ABCA13: variants seen among roughly 807,000 people sequenced by gnomAD.
ABCA13 encodes ATP-binding cassette sub-family A member 13.
Under a neutral mutation model 478.7 loss-of-function variants are expected in ABCA13, and 476 were observed. The observed-to-expected ratio is 0.99, with a 90% CI of 0.92 to 1.07. ABCA13 has a LOEUF of 1.07. Among genes scored for constraint, ABCA13 ranks in the 50% least tolerant of loss-of-function variants. The pLI, the probability that ABCA13 is intolerant of heterozygous loss-of-function variation, is 0.00. For synonymous variants in ABCA13, 2,252 were observed against 2,158.9 expected, an observed-to-expected ratio of 1.04 and a Z score of -1.20; for missense variants, 6,060 against 5,910.6, an observed-to-expected ratio of 1.03 and a Z score of -0.83.
At chr7:48,326,927 G>T (rs898714588) in intron 27 of ABCA13, among the ~76,000 whole-genome samples, 1 of 152,164 alleles carries the variant, frequency 6.6e-6, no homozygotes, top group Non-Finnish European at 1.5e-5. Context: ...CATCTATCTG[G>T]TATAGTGGAT....
intron 55 of ABCA13, among the ~76,000 whole-genome samples, chr7:48,572,858 G>A (rs1245571549): frequency 6.6e-6 from 1 of 151,858 alleles, no homozygotes; most frequent in Non-Finnish European, 1.5e-5. Flanking sequence ...AAAGCATTTG[G>A]GTCTAAATTT....
intron 48 of ABCA13, among the ~76,000 whole-genome samples, chr7:48,498,006 C>T (rs968308718): frequency 1.3e-5 from 2 of 152,180 alleles, no homozygotes; most frequent in African/African-American, 4.8e-5. Flanking sequence ...AGGCTCAGCT[C>T]TTTGTTGGTC....
At chr7:48,543,492 T>A (rs1784526431) in intron 55 of ABCA13, among the ~76,000 whole-genome samples, 2 of 151,332 alleles carry the variant, frequency 1.3e-5, no homozygotes, top group South Asian at 4.2e-4. Context: ...AGCATGGTGG[T>A]GGGCACCTGT....
rs137909934 is a variant in ABCA13, at chr7:48,433,327, A to G, written c.12565+5456A>G. ...GCAACTGAAAATAATTAAAAAACAA[A>G]GAAAAATAAAAATAAGTACAGTACT... On this transcript the variant is annotated intron_variant, in intron 42 of 61. Coordinates refer to ENST00000435803, the MANE Select transcript of ABCA13 (RefSeq NM_152701.5). Among the ~76,000 whole-genome samples the G allele has an allele frequency of 5.7e-4, 87 of 151,750 alleles. 2 individuals are homozygous for G. The East Asian group carries it at 0.016, about 28-fold the overall frequency.
chr7:48,335,068 C>G (rs1407976375), intron 27 of ABCA13, among the ~76,000 whole-genome samples: 3 of 152,124 alleles, frequency 2.0e-5, no homozygotes, highest in Admixed American at 2.0e-4. Context: ...TACCATTAAA[C>G]AAGTAAGTAT....
chr7:48,315,223 G>A (rs10248040), intron 26 of ABCA13, among the ~76,000 whole-genome samples: 74,416 of 151,968 alleles, frequency 0.49, 18,534 homozygotes, highest in East Asian at 0.78. Context: ...TAGTGTATTC[G>A]TTTTCTATGC....
At chr7:48,286,890 A>G (rs1435339968) in intron 19 of ABCA13, among the ~76,000 whole-genome samples, 1 of 152,238 alleles carries the variant, frequency 6.6e-6, no homozygotes, top group African/African-American at 2.4e-5. Context: ...AATTAAAAAA[A>G]GATTTTATTT....
In ABCA13 at chr7:48,415,772, G is replaced by A. The variant is rs144458037; in HGVS notation, c.12459+3189G>A. Among the ~76,000 whole-genome samples the A allele has an allele frequency of 3.1e-3, 472 of 152,162 alleles. 1 individual carries two copies. The highest frequency in any genetic ancestry group is 0.011 in the African/African-American group (442 of 41,528). On this transcript the variant is annotated intron_variant, in intron 41 of 61. Transcript: ENST00000435803. ...CTGGTGAGGAAAGCCTTTATATCAC[G>A]GGTGGATGCTTAGCTCTTAATTGTT...
intron 39 of ABCA13, among the ~76,000 whole-genome samples, chr7:48,407,118 C>T (rs1010749995): frequency 6.6e-6 from 1 of 152,042 alleles, no homozygotes. Flanking sequence ...TTTTGATACA[C>T]TGTTGACTCC....
rs1443211077 is a variant in ABCA13 at position 48,185,904 on chromosome 7, CT to C, written c.70-7050del. On this transcript the variant is annotated intron_variant, in intron 1 of 61. Coordinates refer to ENST00000435803, the MANE Select transcript of ABCA13 (RefSeq NM_152701.5). ...TATACACGTTCATAATATTATTATA[CT>C]TTTTGGTATCAATCTTTTTGTTATG... 2.6e-5 allele frequency among the ~76,000 whole-genome samples: 4 copies of C among 151,734 alleles called. No individual in the cohort carries two copies. In the East Asian group the frequency reaches 7.7e-4, roughly 29 times the overall value.
rs77212341 is a variant in ABCA13 at position 48,217,867 on chromosome 7, T to A, written c.288-1487T>A. Among the ~76,000 whole-genome samples the A allele has an allele frequency of 5.1e-3, 771 of 152,266 alleles. 3 individuals carry two copies. Among genetic ancestry groups the A allele is most frequent in the African/African-American group, 0.018 (729 of 41,554 alleles). On this transcript the variant is annotated intron_variant, in intron 3 of 61. Coordinates refer to ENST00000435803, the MANE Select transcript of ABCA13 (RefSeq NM_152701.5). ...TCTTTTATCCCCTTCCCTTTGCAAG[T>A]CTTTTCCTAGCCTGGCAGGTCAAGC...
chr7:48,238,000 A>C (rs571799352), intron 8 of ABCA13, among the ~76,000 whole-genome samples: 1 of 152,370 alleles, frequency 6.6e-6, no homozygotes, highest in South Asian at 2.1e-4. Flanking sequence ...TCACAGGTTA[A>C]TATTTTAAAT....
chr7:48,292,127 A>G (rs980376992), intron 20 of ABCA13, among the ~76,000 whole-genome samples: 1 of 152,000 alleles, frequency 6.6e-6, no homozygotes, highest in African/African-American at 2.4e-5. Flanking sequence ...CCTGACCTTC[A>G]TGCTCATGTG....
At chr7:48,180,300 A>G (rs1476239542) in intron 1 of ABCA13, among the ~76,000 whole-genome samples, 2 of 152,176 alleles carry the variant, frequency 1.3e-5, no homozygotes, top group Admixed American at 1.3e-4. Flanking sequence ...GTGAGTCCCA[A>G]ATTCCAGGTG....
intron 58 of ABCA13, among the ~76,000 whole-genome samples, chr7:48,601,346 T>G (rs1790878495): frequency 6.6e-6 from 1 of 152,116 alleles, no homozygotes; most frequent in Non-Finnish European, 1.5e-5. Context: ...TCATCTACAT[T>G]AGGTATTTCT....
intron 13 of ABCA13, among the ~76,000 whole-genome samples, chr7:48,246,402 G>A (rs1335066251): frequency 1.3e-5 from 2 of 152,194 alleles, no homozygotes; most frequent in Non-Finnish European, 2.9e-5. Flanking sequence ...GTGGTTACAA[G>A]CTTTAAAAGT....
intron 59 of ABCA13, among the ~76,000 whole-genome samples, chr7:48,634,585 C>T (rs534921338): frequency 2.1e-3 from 315 of 152,112 alleles, no homozygotes; most frequent in African/African-American, 6.9e-3. Context: ...CTTCCACAAT[C>T]AACTTTAGTT....
At chr7:48,512,950 G>T (rs1304267756) in intron 51 of ABCA13, among the ~76,000 whole-genome samples, 3 of 152,198 alleles carry the variant, frequency 2.0e-5, no homozygotes, top group Non-Finnish European at 4.4e-5. Context: ...AGCCCCCAAG[G>T]AAAGTTTATC....
intron 52 of ABCA13, among the ~76,000 whole-genome samples, chr7:48,518,290 A>G (rs1166608511): frequency 6.6e-6 from 1 of 152,192 alleles, no homozygotes; most frequent in African/African-American, 2.4e-5. Context: ...ATCATGGTGA[A>G]ACTGAAAAGA....
Sources: gnomAD v4.1 joint callset for allele counts (sites outside exome capture counted in the v4.1 genomes callset) on GRCh38, gnomAD v4.1.1 for gene constraint, MANE v1.5 for transcripts, NCBI Gene and HGNC (gene_info 2026-07-23, HGNC 2026-07-21) for gene names.